PTPRM: variants seen among roughly 807,000 people sequenced by gnomAD.
PTPRM encodes the protein protein tyrosine phosphatase receptor type M.
PTPRM carries 47 observed loss-of-function variants against 186.7 expected under a neutral mutation model. The observed-to-expected ratio is 0.25, with a 90% CI of 0.20 to 0.32. The LOEUF is 0.32. Among genes scored for constraint, PTPRM ranks in the 10% least tolerant of loss-of-function variants. The probability of loss-of-function intolerance (pLI) is 1.00; values close to 1 mark genes in which losing one functional copy is unlikely to be tolerated. For missense variants in PTPRM, 1,494 were observed against 1,865.0 expected (o/e 0.80, Z 3.66); for synonymous variants, 668 against 674.9 (o/e 0.99, Z 0.16).
intron 7 of PTPRM, among the ~76,000 whole-genome samples, chr18:8,012,313 C>G (rs1334505148): frequency 6.6e-6 from 1 of 152,166 alleles, no homozygotes; most frequent in Non-Finnish European, 1.5e-5. Flanking sequence ...TCCAGAGGCT[C>G]TAAAGGATTT....
At chr18:7,836,734 G>A (rs1234082263) in intron 2 of PTPRM, among the ~76,000 whole-genome samples, 1 of 152,054 alleles carries the variant, frequency 6.6e-6, no homozygotes, top group Non-Finnish European at 1.5e-5. Flanking sequence ...TCCCCTTCAT[G>A]TTTGAAGAAT....
rs141946251 is a variant in PTPRM at position 7,944,772 on chromosome 18, C to T, written c.664-4409C>T. ...CTGACTCTGAAGAGCTTCTCTTATT[C>T]ACTAGACTTTTCCTCTTTATTCCCT... is the stretch of plus-strand genomic sequence containing the variant. On this transcript the variant is annotated intron_variant, in intron 5 of 32. Coordinates refer to ENST00000580170, the MANE Select transcript of PTPRM (RefSeq NM_001105244.2). Among the ~76,000 whole-genome samples the T allele has an allele frequency of 4.8e-3, 729 of 152,236 alleles. 6 individuals are homozygous for T. The highest frequency in any genetic ancestry group is 0.017 in the African/African-American group (694 of 41,524).
Position 8,074,989 on chromosome 18 carries a change from T to G in PTPRM, c.1442-1466T>G, listed in dbSNP as rs769733365. ...CTGATCCAAGGTCATGAAGATTTAT[T>G]TATATGTATGTTTTCTTTAAGAGTT... On this transcript the variant is annotated intron_variant, in intron 8 of 32. Transcript: ENST00000580170. Among the ~76,000 whole-genome samples the G allele has an allele frequency of 6.0e-4, 92 of 152,134 alleles. 2 individuals are homozygous for G. Among genetic ancestry groups the G allele is most frequent in the Non-Finnish European group, 5.9e-4 (40 of 68,018 alleles).
chr18:7,569,831 A>G (rs958297189), intron 1 of PTPRM, among the ~76,000 whole-genome samples: 12 of 152,212 alleles, frequency 7.9e-5, no homozygotes, highest in Admixed American at 5.9e-4. Flanking sequence ...AAATATATCT[A>G]TTTGTTTGAG....
At chr18:8,106,520 A>AAGTCCTTTGT (rs1247408097) in intron 11 of PTPRM, among the ~76,000 whole-genome samples, 2 of 152,210 alleles carry the variant, frequency 1.3e-5, no homozygotes, top group East Asian at 3.9e-4. Flanking sequence ...CCTTTGTACA[A>AAGTCCTTTGT]ACCCTTATCA....
chr18:7,728,420 G>A (rs1291386312), intron 1 of PTPRM, among the ~76,000 whole-genome samples: 4 of 152,100 alleles, frequency 2.6e-5, no homozygotes, highest in Non-Finnish European at 5.9e-5. Context: ...TTGAATACCA[G>A]GGCCACCATA....
chr18:8,367,619 G>A (rs2095639674), intron 23 of PTPRM, among the ~76,000 whole-genome samples: 1 of 152,276 alleles, frequency 6.6e-6, no homozygotes, highest in Non-Finnish European at 1.5e-5. Flanking sequence ...AGGAGCCTGA[G>A]AGCCTGGAAC....
intron 19 of PTPRM, among the ~76,000 whole-genome samples, chr18:8,282,705 A>G (rs1433978110): frequency 1.3e-5 from 2 of 152,158 alleles, no homozygotes; most frequent in Non-Finnish European, 1.5e-5. Flanking sequence ...GATTTACTAC[A>G]TGACCCAGCA....
chr18:7,723,360 A>C (rs1472922951), intron 1 of PTPRM, among the ~76,000 whole-genome samples: 1 of 152,200 alleles, frequency 6.6e-6, no homozygotes, highest in African/African-American at 2.4e-5. Context: ...TCTAACATGG[A>C]GTCAGTAGAT....
chr18:7,579,281 G>A (rs991948956), intron 1 of PTPRM, among the ~76,000 whole-genome samples: 42 of 152,156 alleles, frequency 2.8e-4, no homozygotes, highest in African/African-American at 9.9e-4. Context: ...GGCCCCACCA[G>A]ACCTACAGAG....
At chr18:8,332,156 A>G (rs574329671) in intron 22 of PTPRM, among the ~76,000 whole-genome samples, 1 of 152,376 alleles carries the variant, frequency 6.6e-6, no homozygotes, top group African/African-American at 2.4e-5. Context: ...ATACTAAATA[A>G]TATCTACTAT....
At chr18:8,075,662 A>G (rs560095170) in intron 8 of PTPRM, among the ~76,000 whole-genome samples, 1 of 152,222 alleles carries the variant, frequency 6.6e-6, no homozygotes, top group South Asian at 2.1e-4. Flanking sequence ...GGTGTTATGT[A>G]TTTTAAGTTT....
chr18:8,276,427 G>A (rs1160753543), intron 19 of PTPRM, among the ~76,000 whole-genome samples: 1 of 152,158 alleles, frequency 6.6e-6, no homozygotes, highest in Non-Finnish European at 1.5e-5. Context: ...TTTAACAACT[G>A]ATCATAATTT....
At chr18:7,878,711 T>G (rs535921826) in intron 2 of PTPRM, among the ~76,000 whole-genome samples, 24 of 152,192 alleles carry the variant, frequency 1.6e-4, no homozygotes, top group Non-Finnish European at 2.9e-4. Flanking sequence ...AGCTCTGATC[T>G]GCAGACCATA....
intron 7 of PTPRM, among the ~76,000 whole-genome samples, chr18:7,956,923 C>T (rs1283165020): frequency 6.6e-6 from 1 of 152,090 alleles, no homozygotes; most frequent in East Asian, 1.9e-4. Context: ...TTCTTTGATC[C>T]CCATAATACA....
At chr18:7,914,965 C>CTTT (rs2050469351) in intron 4 of PTPRM, among the ~76,000 whole-genome samples, 1 of 152,140 alleles carries the variant, frequency 6.6e-6, no homozygotes, top group Non-Finnish European at 1.5e-5. Flanking sequence ...GGGGTTAGGA[C>CTTT]ATAGTCCTCT....
chr18:8,286,429 C>T (rs536003410), intron 19 of PTPRM, among the ~76,000 whole-genome samples: 6 of 152,174 alleles, frequency 3.9e-5, no homozygotes, highest in Non-Finnish European at 5.9e-5. Context: ...TGGAAACTTC[C>T]GCCATGCTGG....
At chr18:8,343,342 T>C (rs1327270989) in intron 22 of PTPRM, 81 bp from the exon 23 acceptor site, 5 of 1,162,042 alleles carry the variant, frequency 4.3e-6, no homozygotes, top group South Asian at 4.1e-5. Context: ...TGGGTATTAA[T>C]AGATGTATTT....
intron 14 of PTPRM, among the ~76,000 whole-genome samples, chr18:8,200,208 C>T (rs1395063726): frequency 6.6e-6 from 1 of 152,100 alleles, no homozygotes; most frequent in Non-Finnish European, 1.5e-5. Context: ...ACTTCAAAAG[C>T]AGTGCCTGGG....
Sources: gnomAD v4.1 joint callset for allele counts (sites outside exome capture counted in the v4.1 genomes callset) on GRCh38, gnomAD v4.1.1 for gene constraint, MANE v1.5 for transcripts, NCBI Gene and HGNC (gene_info 2026-07-23, HGNC 2026-07-21) for gene names.